Variants in PLAA observed in about 807,000 individuals in gnomAD.
The protein encoded by PLAA is phospholipase A2 activating protein.
A neutral mutation model predicts 84.1 loss-of-function variants in PLAA; 48 were observed. The observed-to-expected ratio is 0.57, with a 90% CI of 0.45 to 0.73. PLAA has a LOEUF of 0.73. Among genes scored for constraint, PLAA ranks in the 30% least tolerant of loss-of-function variants. PLAA has a pLI of 0.00. For missense variants in PLAA, 903 were observed against 954.7 expected (o/e 0.95, Z 0.71); for synonymous variants, 392 against 336.6 (o/e 1.16, Z -1.80).
intron 4 of PLAA, among the ~76,000 whole-genome samples, chr9:26,926,931 C>A (rs1259964502): frequency 1.3e-5 from 2 of 151,424 alleles, no homozygotes; most frequent in Non-Finnish European, 2.9e-5. Flanking sequence ...CAAAGAGTAG[C>A]CCATAAATTT....
At chr9:26,942,654 G>A (rs1486376965) in intron 1 of PLAA, among the ~76,000 whole-genome samples, 2 of 152,120 alleles carry the variant, frequency 1.3e-5, no homozygotes, top group Non-Finnish European at 2.9e-5. Context: ...AGGCCAAGGC[G>A]GGCGGATCAC....
chr9:26,918,963 C>T (rs1046941926), intron 9 of PLAA, among the ~76,000 whole-genome samples: 1 of 152,198 alleles, frequency 6.6e-6, no homozygotes, highest in Admixed American at 6.5e-5. Context: ...TGATGCATGA[C>T]TGACCAATTT....
chr9:26,914,575 A>T (rs115090009), intron 10 of PLAA, among the ~76,000 whole-genome samples: 10,405 of 141,166 alleles, frequency 0.074, 496 homozygotes, highest in African/African-American at 0.15. Context: ...TTAAAAAAGC[A>T]AAACCAAAAA....
At chr9:26,936,944 C>A (rs1262286910) in intron 1 of PLAA, among the ~76,000 whole-genome samples, 3 of 152,008 alleles carry the variant, frequency 2.0e-5, no homozygotes, top group Admixed American at 6.6e-5. Context: ...AGTTGGAGAC[C>A]AGCCTTGCCA....
At position 26,903,564 on chromosome 9, in the gene PLAA, G is replaced by C. The variant is rs191654157; in HGVS notation, c.*1947C>G. On this transcript the variant is annotated 3_prime_UTR_variant, in exon 14 of 14. Coordinates refer to ENST00000397292, the MANE Select transcript of PLAA (RefSeq NM_001031689.3). ...GTGGCCTTACAGGCAATTTTTATTTGGGGTGTGTGTGTTTTACTCAATAAA... is the reference window on the plus strand; with the variant it reads ...GTGGCCTTACAGGCAATTTTTATTTCGGGTGTGTGTGTTTTACTCAATAAA... 6.6e-6 allele frequency among the ~76,000 whole-genome samples: 1 copy of C among 152,202 alleles called. No homozygotes were observed. The highest frequency in any genetic ancestry group is 6.5e-5 in the Admixed American group (1 of 15,300).
At chr9:26,930,173 C>T (rs1368653921) in intron 2 of PLAA, among the ~76,000 whole-genome samples, 3 of 148,096 alleles carry the variant, frequency 2.0e-5, no homozygotes, top group African/African-American at 5.0e-5. Context: ...TGTGTGATCT[C>T]GGCTCACCGC....
At chr9:26,907,579 A>G (rs1824276646) in intron 13 of PLAA, 3 of 391,188 alleles carry the variant, frequency 7.7e-6, no homozygotes, top group Non-Finnish European at 9.0e-6. Flanking sequence ...CAAAGAAAAC[A>G]AACAACAACA....
chr9:26,923,628 T>C (rs1824845150), intron 6 of PLAA, among the ~76,000 whole-genome samples: 1 of 152,234 alleles, frequency 6.6e-6, no homozygotes, highest in East Asian at 1.9e-4. Flanking sequence ...CTATAGTATG[T>C]ACTTTTAAAG....
chr9:26,922,129 C>A (rs895223399), intron 7 of PLAA, among the ~76,000 whole-genome samples: 1 of 152,152 alleles, frequency 6.6e-6, no homozygotes, highest in African/African-American at 2.4e-5. Context: ...TTCTTTGAGA[C>A]ACCACAGTAT....
At chr9:26,913,732 C>A (rs1824463516) in intron 11 of PLAA, 147 bp downstream of exon 11, 1 of 580,848 alleles carries the variant, frequency 1.7e-6, no homozygotes, top group Non-Finnish European at 3.0e-6. Flanking sequence ...TCTGAGAAAA[C>A]TCAAAAAGCC....
At chr9:26,919,224 G>C in intron 9 of PLAA, 86 bp downstream of exon 9, 1 of 742,792 alleles carries the variant, frequency 1.3e-6, no homozygotes, top group Non-Finnish European at 2.2e-6. Flanking sequence ...TATTGAAAAA[G>C]CTAATCACAT....
intron 1 of PLAA, among the ~76,000 whole-genome samples, chr9:26,937,400 C>CA (rs1305114580): frequency 3.3e-5 from 5 of 151,982 alleles, no homozygotes; most frequent in Non-Finnish European, 5.9e-5. Flanking sequence ...AAAAACATAA[C>CA]AAAAAACAGC....
At chr9:26,916,074 T>C (rs913425551) in intron 10 of PLAA, 4 of 985,322 alleles carry the variant, frequency 4.1e-6, no homozygotes, top group Non-Finnish European at 4.8e-6. Flanking sequence ...TCAATGCACA[T>C]GGTACAACCA....
intron 1 of PLAA, among the ~76,000 whole-genome samples, chr9:26,936,226 TA>T: frequency 6.6e-6 from 1 of 151,192 alleles, no homozygotes; most frequent in East Asian, 1.9e-4. Flanking sequence ...AAGGCTTAAT[TA>T]AACCCACAAG....
intron 5 of PLAA, 92 bp from the exon 6 acceptor site, chr9:26,926,052 C>A: frequency 4.1e-6 from 4 of 981,104 alleles, no homozygotes; most frequent in African/African-American, 1.7e-5. Flanking sequence ...TTTTTGAAAC[C>A]CAGAGACTTT....
intron 9 of PLAA, among the ~76,000 whole-genome samples, chr9:26,918,366 G>A (rs1824641332): frequency 6.8e-6 from 1 of 146,488 alleles, no homozygotes; most frequent in Non-Finnish European, 1.5e-5. Context: ...CTGACCTTGT[G>A]ATCTGCCTGC....
chr9:26,906,150 T>A (rs1587144604), intron 13 of PLAA, 74 bp from the exon 14 acceptor site: 1 of 1,002,038 alleles, frequency 1.0e-6, no homozygotes, highest in East Asian at 2.8e-5. Flanking sequence ...TTTGAAGGAT[T>A]TTATTTTCCC....
intron 2 of PLAA, among the ~76,000 whole-genome samples, chr9:26,929,366 C>A (rs1374352693): frequency 6.6e-6 from 1 of 151,460 alleles, no homozygotes; most frequent in African/African-American, 2.4e-5. Context: ...GTGTCACGCG[C>A]CTGTCGTCCC....
intron 1 of PLAA, among the ~76,000 whole-genome samples, chr9:26,938,554 TAAAAA>T (rs34448526): frequency 8.7e-6 from 1 of 114,638 alleles, no homozygotes; most frequent in South Asian, 2.8e-4. Context: ...CACCATTTCT[TAAAAA>T]AAAAAAAAAA....
Sources: gnomAD v4.1 joint callset for allele counts (sites outside exome capture counted in the v4.1 genomes callset) on GRCh38, gnomAD v4.1.1 for gene constraint, MANE v1.5 for transcripts, NCBI Gene and HGNC (gene_info 2026-07-23, HGNC 2026-07-21) for gene names.